The following CHIC1 variants were observed in gnomAD, a reference collection of about 807,000 sequenced individuals.
CHIC1 encodes the protein cysteine-rich hydrophobic domain-containing protein 1.
A neutral mutation model predicts 18.5 loss-of-function variants in CHIC1; 7 were observed. That is an observed-to-expected ratio of 0.38 (90% CI 0.22 to 0.71). The LOEUF (loss-of-function observed/expected upper bound fraction) is 0.71, where lower values mean the gene tolerates loss of function less well. Among genes scored for constraint, CHIC1 ranks in the 30% least tolerant of loss-of-function variants. CHIC1 has a pLI of 0.49. For missense variants in CHIC1, 159 were observed against 176.9 expected (o/e 0.90, Z 0.57); for synonymous variants, 77 against 73.5 (o/e 1.05, Z -0.25).
At chrX:73,623,614 A>G (rs1283655746) in intron 3 of CHIC1, among the ~76,000 whole-genome samples, 1 of 110,674 alleles carries the variant, frequency 9.0e-6, no homozygotes, top group Non-Finnish European at 1.9e-5. Context: ...AATCTTCCAC[A>G]ACTTGCTTAA....
At position 73,608,871 on chromosome X, in the gene CHIC1, GC is replaced by G. The variant is rs775617820; in HGVS notation, c.507+24300del. On this transcript the variant is annotated intron_variant, in intron 3 of 5. Coordinates refer to ENST00000373502, the MANE Select transcript of CHIC1 (RefSeq NM_001039840.4). ...CCTTTAAAATTTAGGTGCGTTTTTGGCAGGACGCAGTGGGTCATGCCTGTAA... is the reference window on the plus strand; with the variant it reads ...CCTTTAAAATTTAGGTGCGTTTTTGGAGGACGCAGTGGGTCATGCCTGTAA... Among the ~76,000 whole-genome samples, 17 of 107,537 alleles carry G rather than the reference GC, an allele frequency of 1.6e-4. No homozygotes were observed. In the East Asian group the frequency reaches 3.1e-3, roughly 20 times the overall value. 93.4% of individuals were successfully genotyped at this position (107,537 alleles called of 115,157 possible). A position where few individuals can be genotyped will look rare whatever the true frequency, so the allele number is the denominator to read the frequency against.
chrX:73,660,513 G>A (rs971224046), intron 3 of CHIC1, among the ~76,000 whole-genome samples: 2 of 112,161 alleles, frequency 1.8e-5, no homozygotes, highest in African/African-American at 6.5e-5. Flanking sequence ...GCGAGTTGCA[G>A]TGTACAACAG....
chrX:73,610,487 G>A (rs1362324036), intron 3 of CHIC1, among the ~76,000 whole-genome samples: 12 of 106,329 alleles, frequency 1.1e-4, no homozygotes, highest in African/African-American at 3.7e-4. Flanking sequence ...CTCGGTGGGA[G>A]CTACAGACTG....
chrX:73,568,644 A>G (rs1350448820), intron 1 of CHIC1, among the ~76,000 whole-genome samples: 1 of 111,428 alleles, frequency 9.0e-6, no homozygotes, highest in Non-Finnish European at 1.9e-5. Flanking sequence ...TATAGACATT[A>G]CCACCCTCTT....
At chrX:73,585,221 A>C (rs1465682009) in intron 3 of CHIC1, among the ~76,000 whole-genome samples, 1 of 111,993 alleles carries the variant, frequency 8.9e-6, no homozygotes, top group Non-Finnish European at 1.9e-5. Flanking sequence ...ATAAGTAGCC[A>C]ATGAAATCAG....
intron 3 of CHIC1, among the ~76,000 whole-genome samples, chrX:73,596,446 T>C (rs773047483): frequency 8.1e-5 from 9 of 111,660 alleles, no homozygotes; most frequent in Non-Finnish European, 1.5e-4. Context: ...AAAATAGCCA[T>C]ACTGCCCAAA....
chrX:73,608,935 T>C (rs769586976), intron 3 of CHIC1, among the ~76,000 whole-genome samples: 2 of 107,354 alleles, frequency 1.9e-5, no homozygotes, highest in East Asian at 5.7e-4. Context: ...GTGGATCACC[T>C]GAGTTCAGGA....
At chrX:73,658,464 T>G (rs1340562036) in intron 3 of CHIC1, among the ~76,000 whole-genome samples, 2 of 108,276 alleles carry the variant, frequency 1.8e-5, no homozygotes, top group South Asian at 8.2e-4. Flanking sequence ...TTGTTGTATT[T>G]CTATGTGGTC....
At chrX:73,603,242 TA>T (rs2057660933) in intron 3 of CHIC1, among the ~76,000 whole-genome samples, 1 of 108,454 alleles carries the variant, frequency 9.2e-6, no homozygotes, top group Non-Finnish European at 1.9e-5. Flanking sequence ...GTTGTATTCC[TA>T]GGCATTTTTT....
At chrX:73,661,503 G>T (rs1200947267) in intron 3 of CHIC1, among the ~76,000 whole-genome samples, 1 of 111,785 alleles carries the variant, frequency 8.9e-6, no homozygotes, top group African/African-American at 3.3e-5. Flanking sequence ...CAATTGGGTG[G>T]CTTGATCAAA....
chrX:73,681,990 T>C lies in CHIC1; in HGVS notation c.*985T>C, dbSNP rs1358113852. The C allele has an allele frequency of 9.0e-6, 1 of 111,617 alleles. No individual in the cohort carries two copies. The highest frequency in any genetic ancestry group is 2.8e-4 in the East Asian group (1 of 3,560). 9.2% of individuals were successfully genotyped at this position (111,617 alleles called of 1,213,427 possible). A position where few individuals can be genotyped will look rare whatever the true frequency, so the allele number is the denominator to read the frequency against. ...TTTGAAAATACACACAATTATGACT[T>C]TTAAGGAGTATTTTGAGATTTCAGA... On this transcript the variant is annotated 3_prime_UTR_variant, in exon 6 of 6. Coordinates refer to ENST00000373502, the MANE Select transcript of CHIC1 (RefSeq NM_001039840.4).
At chrX:73,672,397 T>A in intron 3 of CHIC1, among the ~76,000 whole-genome samples, 1 of 111,306 alleles carries the variant, frequency 9.0e-6, no homozygotes, top group Non-Finnish European at 1.9e-5. Context: ...AGTGTAAAAG[T>A]GTTCCTATTT....
intron 3 of CHIC1, among the ~76,000 whole-genome samples, chrX:73,656,479 A>G (rs770378704): frequency 2.4e-4 from 27 of 111,945 alleles, no homozygotes; most frequent in African/African-American, 8.5e-4. Flanking sequence ...ATTTTTATAT[A>G]TGGTATAAGG....
intron 3 of CHIC1, among the ~76,000 whole-genome samples, chrX:73,637,023 C>T (rs1742655384): frequency 8.9e-6 from 1 of 111,743 alleles, no homozygotes; most frequent in Non-Finnish European, 1.9e-5. Flanking sequence ...CATTGAGTTA[C>T]TTTCTAGCAT....
chrX:73,679,013 A>T (rs1021066180), intron 3 of CHIC1, among the ~76,000 whole-genome samples: 1 of 112,223 alleles, frequency 8.9e-6, no homozygotes, highest in Non-Finnish European at 1.9e-5. Flanking sequence ...TCAACTTAGT[A>T]TATAGTTTAG....
intron 3 of CHIC1, among the ~76,000 whole-genome samples, chrX:73,592,464 A>G (rs1433614802): frequency 1.8e-5 from 2 of 111,757 alleles, no homozygotes; most frequent in East Asian, 2.8e-4. Flanking sequence ...TGACATGATT[A>G]TATGGTCTTT....
chrX:73,583,627 T>C (rs925089856), intron 2 of CHIC1, among the ~76,000 whole-genome samples: 1 of 111,430 alleles, frequency 9.0e-6, no homozygotes, highest in Non-Finnish European at 1.9e-5. Flanking sequence ...AGTATATGTT[T>C]GAATTGTATA....
chrX:73,651,754 G>A (rs1335331734), intron 3 of CHIC1, among the ~76,000 whole-genome samples: 1 of 111,401 alleles, frequency 9.0e-6, no homozygotes, highest in Non-Finnish European at 1.9e-5. Context: ...CAAACAAATG[G>A]AAAAACATTC....
chrX:73,599,876 A>G (rs1378955365), intron 3 of CHIC1, among the ~76,000 whole-genome samples: 1 of 101,144 alleles, frequency 9.9e-6, no homozygotes, highest in African/African-American at 4.0e-5. Context: ...GAAGAAAGTC[A>G]TTGGTAGCTT....
Sources: allele counts gnomAD v4.1 joint callset (sites outside exome capture counted in the v4.1 genomes callset), GRCh38; gene constraint gnomAD v4.1.1; transcripts MANE v1.5; gene names NCBI Gene and HGNC (gene_info 2026-07-23, HGNC 2026-07-21).